The following SLC29A1 variants were observed in gnomAD, a reference collection of about 807,000 sequenced individuals.
SLC29A1 encodes the protein solute carrier family 29 member 1 (Augustine blood group).
In SLC29A1, 22 loss-of-function variants were observed where a neutral mutation model predicts 48.3. The ratio of observed to expected loss-of-function variants is 0.46; its 90% CI spans 0.33 to 0.65. The LOEUF (loss-of-function observed/expected upper bound fraction) is 0.65, where lower values mean the gene tolerates loss of function less well. SLC29A1 is among the 30% of genes least tolerant of loss of function. The pLI is 0.03. For synonymous variants in SLC29A1, 228 were observed against 231.0 expected, an observed-to-expected ratio of 0.99 and a Z score of 0.12; for missense variants, 491 against 575.3, an observed-to-expected ratio of 0.85 and a Z score of 1.50.
At position 44,232,915 on chromosome 6, in the gene SLC29A1, T is replaced by C. The variant is rs1252540384; in HGVS notation, c.1168T>C (p.Phe390Leu). 1.2e-6 allele frequency: 2 copies of C among 1,614,076 alleles called. No homozygotes were observed. Among genetic ancestry groups the C allele is most frequent in the Non-Finnish European group, 1.7e-6 (2 of 1,180,054 alleles). Residue 390 changes from phenylalanine to leucine, a missense_variant, in exon 12 of 13, where the codon TTC (phenylalanine) becomes CTC (leucine). By Grantham distance (22) the Phe-to-Leu change is conservative. Coordinates refer to ENST00000371755, the MANE Select transcript of SLC29A1 (RefSeq NM_001372327.1). The surrounding 1 kb of genome is among the most constrained non-coding windows in gnomAD (Gnocchi z 4.7). ...GCCCCGCCGCTACCTGACTGTGGTCTTCGAGCACGATGCCTGGTTCATCTT... is the reference window on the plus strand; with the variant it reads ...GCCCCGCCGCTACCTGACTGTGGTCCTCGAGCACGATGCCTGGTTCATCTT... ...IKPRRYLTVV[F>L]EHDAWFIFFM...
intron 5 of SLC29A1, 141 bp from the exon 6 acceptor site, chr6:44,230,206 G>A: frequency 6.8e-7 from 1 of 1,472,668 alleles, no homozygotes; most frequent in Non-Finnish European, 9.3e-7. Flanking sequence ...GCCTGGACCA[G>A]GGCTGGGAGG....
In SLC29A1 at chr6:44,229,700, T is replaced by G; in HGVS notation, c.223T>G (p.Ser75Ala). 1 of 1,614,032 alleles carries G rather than the reference T, an allele frequency of 6.2e-7. No homozygotes were observed. Among genetic ancestry groups the G allele is most frequent in the African/African-American group, 1.3e-5 (1 of 75,056 alleles). Reference sequence around the variant, plus strand: ...TGCAGCACCCTTGCCTGAGCGGAACTCTCTCAGTGCCATCTTCAACAATGT... The same window carrying G: ...TGCAGCACCCTTGCCTGAGCGGAACGCTCTCAGTGCCATCTTCAACAATGT... ...APAAPLPERN[S>A]LSAIFNNVMT... Residue 75 changes from serine (S) to alanine (A), a missense_variant, in exon 4 of 13, where the codon TCT (serine) becomes GCT (alanine). By Grantham distance (99) the Ser-to-Ala change is moderately conservative (BLOSUM62 1). Coordinates refer to ENST00000371755, the MANE Select transcript of SLC29A1 (RefSeq NM_001372327.1). The surrounding 1 kb of genome is among the most constrained non-coding windows in gnomAD (Gnocchi z 5.1).
At chr6:44,223,417 G>A (rs1776701245), upstream of SLC29A1, 6 of 426,644 alleles carry the variant, frequency 1.4e-5, no homozygotes, top group Non-Finnish European at 1.9e-5. This position sits in a 1 kb window ranked among gnomAD's most constrained non-coding sequence, Gnocchi z 5.0. Flanking sequence ...ACGACCAGGC[G>A]GCCCTGGGGG....
chr6:44,219,888 C>A, upstream of SLC29A1: 1 of 750,118 alleles, frequency 1.3e-6, no homozygotes, highest in Non-Finnish European at 1.9e-6. Context: ...TAGGGGGACC[C>A]GCTGGGCTAC....
chr6:44,222,493 C>A (rs1339249249), upstream of SLC29A1, among the ~76,000 whole-genome samples: 1 of 152,092 alleles, frequency 6.6e-6, no homozygotes, highest in Non-Finnish European at 1.5e-5. Flanking sequence ...TCTGTGGCTT[C>A]TCTAGGGGAC....
upstream of SLC29A1, chr6:44,221,574 C>T (rs1776427934): frequency 8.1e-7 from 1 of 1,228,116 alleles, no homozygotes; most frequent in Non-Finnish European, 1.1e-6. The surrounding 1 kb of genome is among the most constrained non-coding windows in gnomAD (Gnocchi z 4.2). Context: ...TCCCACCCCA[C>T]CCCTTCGACA....
chr6:44,233,168 T>C (rs1212465701), intron 12 of SLC29A1, among the ~76,000 whole-genome samples, 162 bp downstream of exon 12: 1 of 151,790 alleles, frequency 6.6e-6, no homozygotes, highest in Non-Finnish European at 1.5e-5. Context: ...GTGACTGTAG[T>C]GGAGGGGGGC....
rs753237989 is a variant in SLC29A1, at chr6:44,233,536, T to C, written c.*8T>C. ...TTCCGGGCAATTGTGTGACAAAGGATGGACAGAAGGACTGCCTGCCTCCCT... is the reference window on the plus strand; with the variant it reads ...TTCCGGGCAATTGTGTGACAAAGGACGGACAGAAGGACTGCCTGCCTCCCT... On this transcript the variant is annotated 3_prime_UTR_variant, in exon 13 of 13. Transcript: ENST00000371755. 2.5e-6 allele frequency: 4 copies of C among 1,604,658 alleles called. No individual in the cohort carries two copies. Among genetic ancestry groups the C allele is most frequent in the Non-Finnish European group, 3.4e-6 (4 of 1,171,398 alleles).
chr6:44,223,640 A>G lies in SLC29A1; in HGVS notation c.-53A>G. Reference sequence around the variant, plus strand: ...AGCGCGGGAGCAGTGCTTCTGCGGCAGGTGCTGCCCGGGGCCGGGGACTGG... The same window carrying G: ...AGCGCGGGAGCAGTGCTTCTGCGGCGGGTGCTGCCCGGGGCCGGGGACTGG... On this transcript the variant is annotated splice_region_variant and 5_prime_UTR_variant, in exon 1 of 13. Coordinates refer to ENST00000371755, the MANE Select transcript of SLC29A1 (RefSeq NM_001372327.1). The surrounding 1 kb of genome is among the most constrained non-coding windows in gnomAD (Gnocchi z 5.0). 8.3e-7 allele frequency: 1 copy of G among 1,206,948 alleles called. No homozygotes were observed. The highest frequency in any genetic ancestry group is 1.1e-6 in the Non-Finnish European group (1 of 947,318). 74.8% of individuals were successfully genotyped at this position (1,206,948 alleles called of 1,614,324 possible).
rs1779368041 is a variant in SLC29A1, at chr6:44,233,570, G to A, written c.*42G>A. ...GGACTGCCTGCCTCCCTCCCTGTCTGCCTCCTGCCCCTTCCTTCTGCCAGG... is the reference window on the plus strand; with the variant it reads ...GGACTGCCTGCCTCCCTCCCTGTCTACCTCCTGCCCCTTCCTTCTGCCAGG... On this transcript the variant is annotated 3_prime_UTR_variant, in exon 13 of 13. Coordinates refer to ENST00000371755, the MANE Select transcript of SLC29A1 (RefSeq NM_001372327.1). 1 of 1,488,568 alleles carries A rather than the reference G, an allele frequency of 6.7e-7. No homozygotes were observed. Among genetic ancestry groups the A allele is most frequent in the South Asian group, 1.1e-5 (1 of 88,504 alleles). The allele number at this position is 1,488,568 out of a possible 1,614,324, so 92.2% of individuals were successfully genotyped here.
At chr6:44,225,925 G>A (rs767101543) in intron 1 of SLC29A1, 9 of 154,924 alleles carry the variant, frequency 5.8e-5, no homozygotes, top group Non-Finnish European at 1.1e-4. Flanking sequence ...CGAGCGACAG[G>A]GGTGGCTTTT....
upstream of SLC29A1, chr6:44,219,884 G>A: frequency 1.1e-5 from 9 of 787,192 alleles, no homozygotes; most frequent in South Asian, 1.5e-4. Flanking sequence ...CCAGTAGGGG[G>A]ACCCGCTGGG....
chr6:44,230,969 G>A, intron 8 of SLC29A1, 80 bp downstream of exon 8: 1 of 1,083,972 alleles, frequency 9.2e-7, no homozygotes. Flanking sequence ...ACAAAGATGA[G>A]TGCCCTGTGT....
chr6:44,227,481 T>G (rs1582942110), intron 2 of SLC29A1, 139 bp downstream of exon 2: 1 of 739,550 alleles, frequency 1.4e-6, no homozygotes, highest in South Asian at 1.7e-5. Context: ...GCATCAGGGG[T>G]GGGGACCCCG....
At chr6:44,228,316 C>T (rs1292341306) in intron 2 of SLC29A1, among the ~76,000 whole-genome samples, 4 of 152,228 alleles carry the variant, frequency 2.6e-5, no homozygotes, top group South Asian at 2.1e-4. Flanking sequence ...CCCCCAACCC[C>T]GATCCTCTGT....
chr6:44,227,442 T>A, intron 2 of SLC29A1, 100 bp downstream of exon 2: 1 of 1,044,956 alleles, frequency 9.6e-7, no homozygotes, highest in Non-Finnish European at 1.5e-6. Context: ...CTGGCTGGCC[T>A]TCCAGCCAGG....
Position 44,229,665 on chromosome 6 carries a change from C to T in SLC29A1, c.188C>T (p.Ser63Leu). The change falls in exon 4 of 13, where the codon TCA becomes TTA. Residue 63 changes from serine to leucine, a missense_variant. By Grantham distance (145) the Ser-to-Leu change is moderately radical. Coordinates refer to ENST00000371755, the MANE Select transcript of SLC29A1 (RefSeq NM_001372327.1). This position sits in a 1 kb window ranked among gnomAD's most constrained non-coding sequence, Gnocchi z 5.1. ...GAACTGAGCAAGGACGCCCAGGCGT[C>T]AGCCGCCCCTGCAGCACCCTTGCCT... is the stretch of plus-strand genomic sequence containing the variant. ...TAELSKDAQA[S>L]AAPAAPLPER... 1 of 1,614,158 alleles carries T rather than the reference C, an allele frequency of 6.2e-7. No homozygotes were observed. The highest frequency in any genetic ancestry group is 8.5e-7 in the Non-Finnish European group (1 of 1,180,040).
chr6:44,232,008 T>A lies in SLC29A1; in HGVS notation c.875T>A (p.Leu292Gln). 1 of 1,613,222 alleles carries A rather than the reference T, an allele frequency of 6.2e-7. No individual in the cohort carries two copies. The highest frequency in any genetic ancestry group is 1.1e-5 in the South Asian group (1 of 91,048). The change falls in exon 10 of 13, where the codon CTG becomes CAG. Residue 292 changes from leucine to glutamine, a missense_variant. By Grantham distance (113) the Leu-to-Gln change is moderately radical. Transcript: ENST00000371755. This position sits in a 1 kb window ranked among gnomAD's most constrained non-coding sequence, Gnocchi z 4.7. ...ACCCCTTCTATCTAGATCTCAGTCC[T>A]GGCTTTCTCTGTCTGCTTCATCTTC... Reference protein sequence around the residue: ...IKAILKNISVLAFSVCFIFTI... With the variant: ...IKAILKNISVQAFSVCFIFTI...
At chr6:44,223,099 G>A (rs1279362777), upstream of SLC29A1, among the ~76,000 whole-genome samples, 1 of 152,078 alleles carries the variant, frequency 6.6e-6, no homozygotes, top group Admixed American at 6.6e-5. The surrounding 1 kb of genome is among the most constrained non-coding windows in gnomAD (Gnocchi z 5.0). Flanking sequence ...GAAGAGGAGG[G>A]GGACTGAAAG....
Sources: gnomAD v4.1 joint callset for allele counts (sites outside exome capture counted in the v4.1 genomes callset) on GRCh38, gnomAD v4.1.1 for gene constraint, Gnocchi (gnomAD v3.1) non-coding constraint, MANE v1.5 for transcripts, NCBI Gene and HGNC (gene_info 2026-07-23, HGNC 2026-07-21) for gene names.